Variants in ERAP1 observed in about 807,000 individuals in gnomAD.
The protein encoded by ERAP1 is endoplasmic reticulum aminopeptidase 1.
Under a neutral mutation model 103.7 loss-of-function variants are expected in ERAP1, and 86 were observed. The ratio of observed to expected loss-of-function variants is 0.83; its 90% confidence interval spans 0.70 to 0.99. The LOEUF (loss-of-function observed/expected upper bound fraction) is 0.99, where lower values mean the gene tolerates loss of function less well. ERAP1 is among the 50% of genes least tolerant of loss of function. ERAP1 has a pLI of 0.00. For synonymous variants in ERAP1, 398 were observed against 402.4 expected (o/e 0.99, Z 0.13); for missense variants, 1,009 against 1,128.4 (o/e 0.89, Z 1.52).
chr5:96,779,398 C>T (rs1475560302), intron 18 of ERAP1: 1 of 152,212 alleles, frequency 6.6e-6, no homozygotes, highest in Non-Finnish European at 1.5e-5. Context: ...TATCTCTGCT[C>T]TAGACCTCGC....
chr5:96,919,834 TA>T, the ERAP1 span: 8 of 152,308 alleles, frequency 5.3e-5, no homozygotes, highest in Non-Finnish European at 5.9e-5. Context: ...GAAAAAGTTA[TA>T]TGCAAGATCA....
At chr5:96,783,844 C>T (rs3797806) in intron 14 of ERAP1, 80 bp downstream of exon 14, 16 of 501,294 alleles carry the variant, frequency 3.2e-5, no homozygotes, top group Admixed American at 5.9e-5. Flanking sequence ...CACACACACA[C>T]ACACACACAC....
Position 96,803,677 on chromosome 5 carries a change from TTTC to T in ERAP1, c.247_249del (p.Glu83del). 1.2e-6 allele frequency: 2 copies of T among 1,614,178 alleles called. No individual in the cohort carries two copies. Among genetic ancestry groups the T allele is most frequent in the East Asian group, 4.5e-5 (2 of 44,886 alleles). ...GTGCTGGTGGGCTGACTGGCTGTGA[TTTC>T]TACTTTCGTGGTTCCCCAGAAGGTC... On this transcript the variant is annotated inframe_deletion, in exon 2 of 19. Coordinates refer to ENST00000443439, the MANE Select transcript of ERAP1 (RefSeq NM_001040458.3).
chr5:96,789,910 C>T (rs1164758257), intron 10 of ERAP1, among the ~76,000 whole-genome samples: 1 of 152,224 alleles, frequency 6.6e-6, no homozygotes, highest in African/African-American at 2.4e-5. Flanking sequence ...GTGCCTGACA[C>T]ATGACAAGTA....
At chr5:96,917,365 C>A in the ERAP1 span, 3 of 1,154,268 alleles carry the variant, frequency 2.6e-6, no homozygotes, top group African/African-American at 4.7e-5. Context: ...AATTGATCTG[C>A]CCACCTTGGC....
chr5:96,765,430 A>T (rs1281258653), intron 19 of ERAP1: 1 of 619,682 alleles, frequency 1.6e-6, no homozygotes. Context: ...AACTTAACCT[A>T]TATTTTAAAC....
chr5:96,805,071 C>T (rs938120734), intron 1 of ERAP1: 3 of 151,506 alleles, frequency 2.0e-5, no homozygotes, highest in African/African-American at 7.3e-5. Flanking sequence ...CAAGAGGGGC[C>T]CATACCAGGT....
At position 96,781,773 on chromosome 5, in the gene ERAP1, A is replaced by G. The variant is rs142985224; in HGVS notation, c.2367T>C (p.Tyr789=). 1.0e-3 allele frequency: 1,643 copies of G among 1,614,192 alleles called. 14 individuals are homozygous for G. The South Asian group carries it at 0.011, about 10-fold the overall frequency. The change falls in exon 16 of 19, where the codon TAT becomes TAC. Residue 789 remains tyrosine (Y), a synonymous_variant. Transcript: ENST00000443439. ...TEGWDFLYSK[Y]QFSLSSTEKS... is the part of the protein sequence containing the mutation. ...TCTCAGTACTGGACAAAGAAAACTG[A>G]TATTTACTATAAAGAAAATCCCAGC... is the stretch of plus-strand genomic sequence containing the variant.
the ERAP1 span, among the ~76,000 whole-genome samples, chr5:96,911,340 A>G: frequency 2.0e-5 from 3 of 152,310 alleles, no homozygotes; most frequent in East Asian, 3.9e-4. Flanking sequence ...TGAGACATCA[A>G]TAACAGTTCT....
At chr5:96,843,807 G>A in the ERAP1 span, among the ~76,000 whole-genome samples, 5 of 152,164 alleles carry the variant, frequency 3.3e-5, no homozygotes, top group Non-Finnish European at 1.5e-5. Context: ...AAGGAATCAA[G>A]TCCAAGAGCC....
chr5:96,821,760 G>A, the ERAP1 span, among the ~76,000 whole-genome samples: 1 of 152,152 alleles, frequency 6.6e-6, no homozygotes, highest in Admixed American at 6.5e-5. Context: ...AGTTTATATT[G>A]AGCATTTCCT....
At chr5:96,818,719 G>A in the ERAP1 span, among the ~76,000 whole-genome samples, 3 of 151,954 alleles carry the variant, frequency 2.0e-5, no homozygotes, top group Admixed American at 1.3e-4. Context: ...AATCAGTAGC[G>A]TTTAATTTTA....
At chr5:96,791,937 G>T in intron 8 of ERAP1, 124 bp downstream of exon 8, 1 of 980,454 alleles carries the variant, frequency 1.0e-6, no homozygotes, top group Non-Finnish European at 1.6e-6. Flanking sequence ...ACTCCAGCCA[G>T]CACGTGTCAA....
At chr5:96,888,164 AAAAG>A in the ERAP1 span, among the ~76,000 whole-genome samples, 1,435 of 149,766 alleles carry the variant, frequency 9.6e-3, 22 homozygotes, top group African/African-American at 0.034. Context: ...AAAAGAAAAA[AAAAG>A]AAAAATCTGT....
the ERAP1 span, among the ~76,000 whole-genome samples, chr5:96,922,276 C>A: frequency 6.6e-6 from 1 of 151,952 alleles, no homozygotes; most frequent in South Asian, 2.1e-4. Context: ...CCGGCCTGGG[C>A]GACAGAGAGA....
chr5:96,929,640 G>T, the ERAP1 span, among the ~76,000 whole-genome samples: 1 of 152,106 alleles, frequency 6.6e-6, no homozygotes, highest in African/African-American at 2.4e-5. Flanking sequence ...AAGTAGCTGG[G>T]ACTACAGGCA....
At chr5:96,787,915 AAGTAAAGG>A (rs1180652490) in intron 11 of ERAP1, among the ~76,000 whole-genome samples, 1 of 151,904 alleles carries the variant, frequency 6.6e-6, no homozygotes, top group South Asian at 2.1e-4. Context: ...GAGGTGAAGA[AAGTAAAGG>A]AGTAAAGAGT....
rs1167670683 is a variant in ERAP1, at chr5:96,788,671, T to C, written c.1539A>G (p.Glu513=). ...TCATCATGGTTTTCACATCCACCCC[T>C]TCCTGATGCCAATGCTGGTGTGTAC... ...HSSSSSHWHQ[E]GVDVKTMMNT... The change falls in exon 11 of 19, where the codon GAA becomes GAG. Residue 513 remains glutamate (E), a synonymous_variant. Coordinates refer to ENST00000443439, the MANE Select transcript of ERAP1 (RefSeq NM_001040458.3). The C allele has an allele frequency of 6.2e-7, 1 of 1,613,986 alleles. No homozygotes were observed. Among genetic ancestry groups the C allele is most frequent in the Non-Finnish European group, 8.5e-7 (1 of 1,180,028 alleles).
rs775888103 is a variant in ERAP1, at chr5:96,763,159, A to G, written c.*41T>C. On this transcript the variant is annotated 3_prime_UTR_variant, in exon 20 of 20. Coordinates refer to the ERAP1 transcript ENST00000296754. ...CTTCCATTCCGTTTGATGTAGCATC[A>G]AAGCATATTTAGTGCTGTAGTCTGA... is the stretch of plus-strand genomic sequence containing the variant. The G allele has an allele frequency of 5.1e-6, 4 of 780,442 alleles. No individual in the cohort carries two copies. In the African/African-American group the frequency reaches 6.8e-5, roughly 13 times the overall value. The allele number at this position is 780,442 out of a possible 1,614,324, so 48.3% of individuals were successfully genotyped here.
Sources: allele counts gnomAD v4.1 joint callset (sites outside exome capture counted in the v4.1 genomes callset), GRCh38; gene constraint gnomAD v4.1.1; transcripts MANE v1.5; gene names NCBI Gene and HGNC (gene_info 2026-07-23, HGNC 2026-07-21).